The following PRKAG1 variants were observed in gnomAD, a reference collection of about 807,000 sequenced individuals.
The protein encoded by PRKAG1 is 5'-AMP-activated protein kinase subunit gamma-1.
Under a neutral mutation model 48.2 loss-of-function variants are expected in PRKAG1, and 27 were observed. The ratio of observed to expected loss-of-function variants is 0.56; its 90% CI spans 0.41 to 0.77. The LOEUF is 0.77. PRKAG1 is among the 30% of genes least tolerant of loss of function. The probability of loss-of-function intolerance (pLI) is 0.00; values close to 1 mark genes in which losing one functional copy is unlikely to be tolerated. For synonymous variants in PRKAG1, 130 were observed against 147.7 expected (o/e 0.88, Z 0.87); for missense variants, 287 against 398.3 (o/e 0.72, Z 2.38).
chr12:49,005,110 C>T lies in PRKAG1; in HGVS notation c.355+10G>A, dbSNP rs1017594235. 3.1e-6 allele frequency: 5 copies of T among 1,613,798 alleles called. No individual in the cohort carries two copies. The highest frequency in any genetic ancestry group is 3.4e-6 in the Non-Finnish European group (4 of 1,179,900). On this transcript the variant is annotated intron_variant, in intron 6 of 11. Coordinates refer to ENST00000548065, the MANE Select transcript of PRKAG1 (RefSeq NM_002733.5). The surrounding 1 kb of genome is among the most constrained non-coding windows in gnomAD (Gnocchi z 4.1). ...CCTTTATCCTTTTATAACCCCAATT[C>T]TCTACATACCTCTCCAAGTTTCTAT...
chr12:49,007,286 CAAA>C (rs143240191), intron 2 of PRKAG1, among the ~76,000 whole-genome samples: 69 of 112,208 alleles, frequency 6.1e-4, no homozygotes, highest in African/African-American at 8.3e-4. Context: ...GACTCCGTCT[CAAA>C]AAAAAAAAAA....
Position 49,002,868 on chromosome 12 carries a change from C to A in PRKAG1, c.*31G>T. The A allele has an allele frequency of 1.3e-6, 2 of 1,580,346 alleles. No individual in the cohort carries two copies. Among genetic ancestry groups the A allele is most frequent in the Non-Finnish European group, 1.7e-6 (2 of 1,150,694 alleles). On this transcript the variant is annotated 3_prime_UTR_variant, in exon 12 of 12. Transcript: ENST00000548065. ...CCAGCAGGCAGTGAGTTGGGCATAT[C>A]CCCTGGTGCTGCATGACCCCTTCCC... is the stretch of plus-strand genomic sequence containing the variant.
intron 1 of PRKAG1, among the ~76,000 whole-genome samples, chr12:49,013,586 A>G (rs1941848983): frequency 6.6e-6 from 1 of 152,214 alleles, no homozygotes; most frequent in Non-Finnish European, 1.5e-5. Flanking sequence ...AATCTTCATA[A>G]CAACCCTGAG....
At chr12:49,009,294 T>C (rs559733203) in intron 2 of PRKAG1, 1 of 152,200 alleles carries the variant, frequency 6.6e-6, no homozygotes, top group African/African-American at 2.4e-5. Context: ...CTGGCTAATT[T>C]TTATTTTTTT....
At position 49,002,897 on chromosome 12, in the gene PRKAG1, G is replaced by A. The variant is rs1398979801; in HGVS notation, c.*2C>T. The A allele has an allele frequency of 6.2e-7, 1 of 1,613,270 alleles. No individual in the cohort carries two copies. The highest frequency in any genetic ancestry group is 1.1e-5 in the South Asian group (1 of 91,068). Reference sequence around the variant, plus strand: ...TGGTGCTGCATGACCCCTTCCCCCAGCTCAGGGCTTCTTCTCTCCACCTGT... The same window carrying A: ...TGGTGCTGCATGACCCCTTCCCCCAACTCAGGGCTTCTTCTCTCCACCTGT... On this transcript the variant is annotated 3_prime_UTR_variant, in exon 12 of 12. Transcript: ENST00000548065.
At chr12:49,012,768 C>T (rs1339814662) in intron 2 of PRKAG1, 2 of 405,096 alleles carry the variant, frequency 4.9e-6, no homozygotes, top group South Asian at 5.0e-5. Flanking sequence ...GCAGAAAATA[C>T]CCAGGACTTC....
chr12:49,003,081 C>T (rs935636602), intron 11 of PRKAG1, 63 bp downstream of exon 11: 5 of 1,613,268 alleles, frequency 3.1e-6, no homozygotes, highest in East Asian at 2.2e-5. Flanking sequence ...CCCTACTCTC[C>T]TTGCCAAACC....
chr12:49,003,265 T>C lies in PRKAG1; in HGVS notation c.767A>G (p.Asn256Ser), dbSNP rs1202353275. ...TTTAGTCACAGATACATCTAGGTTG[T>C]TGTAGGTCTTTTCTGCTGCCAGATT... is the stretch of plus-strand genomic sequence containing the variant. ...VINLAAEKTY[N>S]NLDVSVTKAL... The change falls in exon 11 of 12, where the codon AAC (asparagine) becomes AGC (serine). Residue 256 changes from asparagine (N) to serine (S), a missense_variant. This residue lies in a region of PRKAG1 where 224 missense variants were observed against 344.3 expected (regional missense o/e 0.65). Transcript: ENST00000548065. 1 of 1,614,180 alleles carries C rather than the reference T, an allele frequency of 6.2e-7. No individual in the cohort carries two copies. The highest frequency in any genetic ancestry group is 8.5e-7 in the Non-Finnish European group (1 of 1,180,028).
At chr12:49,015,691 G>A (rs903483466) in intron 1 of PRKAG1, among the ~76,000 whole-genome samples, 2 of 152,118 alleles carry the variant, frequency 1.3e-5, no homozygotes, top group Non-Finnish European at 2.9e-5. Flanking sequence ...TCCTGCCTCA[G>A]CCTCCCAAGT....
intron 8 of PRKAG1, 27 bp downstream of exon 8, chr12:49,004,480 A>G (rs777517630): frequency 6.2e-7 from 1 of 1,607,792 alleles, no homozygotes; most frequent in South Asian, 1.1e-5. Context: ...AAAAAGAGAA[A>G]AAAGAACTGG....
Position 49,004,442 on chromosome 12 carries a change from TTCAA to T in PRKAG1, c.537+61_537+64del, listed in dbSNP as rs371341505. The stretch of plus-strand genomic sequence containing the variant: ...AACACAGTGAGACCTCGTCTCTCTT[TTCAA>T]TCAATCAATCAATCAATCAATGAAA... On this transcript the variant is annotated intron_variant, in intron 8 of 11. Transcript: ENST00000548065. The T allele has an allele frequency of 7.1e-4, 1,123 of 1,580,178 alleles. 17 individuals carry two copies. In the South Asian group the frequency reaches 0.01, roughly 14 times the overall value.
At chr12:49,011,927 G>A (rs530334360) in intron 2 of PRKAG1, among the ~76,000 whole-genome samples, 23 of 150,570 alleles carry the variant, frequency 1.5e-4, no homozygotes, top group Non-Finnish European at 2.5e-4. Flanking sequence ...GCACAGTCTC[G>A]GCTCACTGCA....
chr12:49,004,913 T>G, intron 7 of PRKAG1, 51 bp downstream of exon 7: 7 of 1,584,610 alleles, frequency 4.4e-6, no homozygotes, highest in Non-Finnish European at 6.1e-6. Context: ...TTAGCTAGGC[T>G]GATGACAAAA....
intron 9 of PRKAG1, 76 bp downstream of exon 9, chr12:49,003,681 G>A (rs1941395403): frequency 6.2e-7 from 1 of 1,608,200 alleles, no homozygotes; most frequent in African/African-American, 1.3e-5. Flanking sequence ...GCTAAGCTGA[G>A]GGGAAAGCAG....
intron 1 of PRKAG1, 79 bp downstream of exon 1, chr12:49,018,653 C>T: frequency 1.2e-6 from 2 of 1,607,094 alleles, no homozygotes; most frequent in Non-Finnish European, 1.7e-6. Context: ...AGCCCCTGCC[C>T]GGCCCTCCCG....
intron 2 of PRKAG1, among the ~76,000 whole-genome samples, chr12:49,009,119 CCT>C (rs1941662678): frequency 2.0e-5 from 3 of 146,532 alleles, no homozygotes; most frequent in African/African-American, 7.8e-5. Flanking sequence ...TCTTTCCTCT[CCT>C]TTTTTTTTTT....
intron 2 of PRKAG1, chr12:49,008,473 G>A (rs1387978904): frequency 6.6e-6 from 1 of 152,120 alleles, no homozygotes; most frequent in Non-Finnish European, 1.5e-5. Context: ...CTGTCATCCT[G>A]GGATCTTTCT....
chr12:49,005,482 C>T lies in PRKAG1; in HGVS notation c.230G>A (p.Ser77Asn), dbSNP rs1247036358. 6.2e-7 allele frequency: 1 copy of T among 1,614,062 alleles called. No individual in the cohort carries two copies. The highest frequency in any genetic ancestry group is 1.3e-5 in the African/African-American group (1 of 74,916). Residue 77 changes from serine to asparagine, a missense_variant, in exon 4 of 12, where the codon AGT (serine) becomes AAT (asparagine). By Grantham distance (46) the Ser-to-Asn change is conservative (BLOSUM62 1). This residue lies in a region of PRKAG1 where 224 missense variants were observed against 344.3 expected (regional missense o/e 0.65). Transcript: ENST00000548065. This position sits in a 1 kb window ranked among gnomAD's most constrained non-coding sequence, Gnocchi z 4.1. ...NGVRAAPLWD[S>N]KKQSFVGMLT... Reference sequence around the variant, plus strand: ...CTTACCCACAAAACTTTGCTTCTTACTATCCCATAAAGGGGCAGCTCGTAC... The same window carrying T: ...CTTACCCACAAAACTTTGCTTCTTATTATCCCATAAAGGGGCAGCTCGTAC...
In PRKAG1 at chr12:49,004,591, G is replaced by A; in HGVS notation, c.453C>T (p.His151=). ...AVSSLIRNKI[H]RLPVIDPESG... The stretch of plus-strand genomic sequence containing the variant: ...ATTCTGGGTCAATAACTGGCAGCCT[G>A]TGGATCTTGTTCCGAATTAATGAAG... The change falls in exon 8 of 12, where the codon CAC becomes CAT. Residue 151 remains histidine (H), a synonymous_variant. Coordinates refer to ENST00000548065, the MANE Select transcript of PRKAG1 (RefSeq NM_002733.5). 6.2e-7 allele frequency: 1 copy of A among 1,614,108 alleles called. No homozygotes were observed. The highest frequency in any genetic ancestry group is 1.1e-5 in the South Asian group (1 of 91,070).
Sources: gnomAD v4.1 joint callset for allele counts (sites outside exome capture counted in the v4.1 genomes callset) on GRCh38, gnomAD v4.1.1 for gene constraint, gnomAD v4.1.1 regional missense constraint, Gnocchi (gnomAD v3.1) non-coding constraint, MANE v1.5 for transcripts, NCBI Gene and HGNC (gene_info 2026-07-23, HGNC 2026-07-21) for gene names.